RAB36: variants seen among roughly 807,000 people sequenced by gnomAD.
RAB36 encodes ras-related protein Rab-36.
A neutral mutation model predicts 39.3 loss-of-function variants in RAB36; 33 were observed. The ratio of observed to expected loss-of-function variants is 0.84; its 90% CI spans 0.64 to 1.12. The LOEUF is 1.12. Among genes scored for constraint, RAB36 ranks in the 50% most tolerant of loss-of-function variants. The probability of loss-of-function intolerance (pLI) is 0.00; values close to 1 mark genes in which losing one functional copy is unlikely to be tolerated. For synonymous variants in RAB36, 133 were observed against 140.2 expected (o/e 0.95, Z 0.36); for missense variants, 308 against 355.3 (o/e 0.87, Z 1.07).
rs1178259146 is a variant in RAB36, at chr22:23,164,657, A to C, written c.*3093A>C. On this transcript the variant is annotated 3_prime_UTR_variant, in exon 11 of 11. Coordinates refer to ENST00000263116, the MANE Select transcript of RAB36 (RefSeq NM_004914.5). Reference sequence around the variant, plus strand: ...TGGGCCCAGGCAAGCAGCCCCCTGCAGCCAAGGTGCGGCAATGACCACAGT... The same window carrying C: ...TGGGCCCAGGCAAGCAGCCCCCTGCCGCCAAGGTGCGGCAATGACCACAGT... Among the ~76,000 whole-genome samples the C allele has an allele frequency of 6.6e-6, 1 of 152,214 alleles. No homozygotes were observed. The highest frequency in any genetic ancestry group is 1.5e-5 in the Non-Finnish European group (1 of 68,048).
intron 9 of RAB36, among the ~76,000 whole-genome samples, chr22:23,160,266 C>T (rs2071696341): frequency 1.3e-5 from 2 of 152,180 alleles, no homozygotes; most frequent in South Asian, 4.1e-4. Context: ...GAGAACCCTT[C>T]CTCCCTTATC....
downstream of RAB36, among the ~76,000 whole-genome samples, chr22:23,167,053 GAA>G (rs2072065373): frequency 6.6e-6 from 1 of 152,062 alleles, no homozygotes; most frequent in Non-Finnish European, 1.5e-5. Flanking sequence ...GCAGACAGCT[GAA>G]GAGATGGGAC....
intron 3 of RAB36, 60 bp downstream of exon 3, chr22:23,150,214 C>A: frequency 7.5e-7 from 1 of 1,330,954 alleles, no homozygotes; most frequent in Non-Finnish European, 1.1e-6. Context: ...GTGCATGAAG[C>A]ACGTGAAAGA....
At chr22:23,156,353 A>AG in intron 6 of RAB36, 1 of 262,740 alleles carries the variant, frequency 3.8e-6, no homozygotes, top group Non-Finnish European at 7.5e-6. Flanking sequence ...ACTGGACTCC[A>AG]GGGGGAGGTC....
chr22:23,158,011 C>G lies in RAB36; in HGVS notation c.414C>G (p.Asp138Glu). 6.2e-7 allele frequency: 1 copy of G among 1,614,204 alleles called. No individual in the cohort carries two copies. Among genetic ancestry groups the G allele is most frequent in the South Asian group, 1.1e-5 (1 of 91,078 alleles). ...GTCTAGTGATCATCACGGCCTTTGA[C>G]CTCACTGACGTGCAGACCCTGGAGC... ...RGAQVIITAF[D>E]LTDVQTLEHT... Residue 138 changes from aspartate to glutamate, a missense_variant, in exon 7 of 11, where the codon GAC (aspartate) becomes GAG (glutamate). Transcript: ENST00000263116.
At chr22:23,157,942 GCTCGC>G (rs1340409994) in intron 6 of RAB36, 45 bp from the exon 7 acceptor site, 1 of 1,611,726 alleles carries the variant, frequency 6.2e-7, no homozygotes, top group Non-Finnish European at 8.5e-7. Context: ...GAGCCCCCTT[GCTCGC>G]CTCGCCTGGC....
At chr22:23,145,947 C>T (rs760982024) in intron 1 of RAB36, 1 of 984,160 alleles carries the variant, frequency 1.0e-6, no homozygotes, top group East Asian at 1.1e-4. Flanking sequence ...CTAGAGCCTT[C>T]GTCCTTTGCA....
chr22:23,153,813 C>T (rs2071304082), intron 5 of RAB36, among the ~76,000 whole-genome samples: 1 of 151,568 alleles, frequency 6.6e-6, no homozygotes, highest in African/African-American at 2.4e-5. Flanking sequence ...CTCAGCCTCC[C>T]AAGTAGGACA....
intron 9 of RAB36, among the ~76,000 whole-genome samples, chr22:23,160,453 G>T (rs1205269640): frequency 6.6e-6 from 1 of 152,202 alleles, no homozygotes; most frequent in Non-Finnish European, 1.5e-5. Flanking sequence ...TCCATGTGGG[G>T]GCTGACAGCA....
At chr22:23,157,521 A>G (rs1022868506) in intron 6 of RAB36, among the ~76,000 whole-genome samples, 4 of 152,076 alleles carry the variant, frequency 2.6e-5, no homozygotes, top group Admixed American at 6.5e-5. Flanking sequence ...AGCCTCCCAA[A>G]GTGCTGGAAT....
At chr22:23,147,809 T>C (rs887456427) in intron 2 of RAB36, among the ~76,000 whole-genome samples, 1 of 152,296 alleles carries the variant, frequency 6.6e-6, no homozygotes. Context: ...TGAGGAAGAA[T>C]GAGGCAACCT....
Position 23,151,405 on chromosome 22 carries a change from G to C in RAB36, c.162-1056G>C, listed in dbSNP as rs2071115951. 4.6e-5 allele frequency among the ~76,000 whole-genome samples: 7 copies of C among 152,300 alleles called. 1 individual carries two copies. Among genetic ancestry groups the C allele is most frequent in the Admixed American group, 4.6e-4 (7 of 15,292 alleles). The stretch of plus-strand genomic sequence containing the variant: ...AGAACGAAAGGGCCCTCTGGGAGCA[G>C]GGTAGACACAATCCCTGCTCTCACG... On this transcript the variant is annotated intron_variant, in intron 3 of 10. Transcript: ENST00000263116.
At chr22:23,159,324 A>T in intron 9 of RAB36, 71 bp downstream of exon 9, 1 of 1,399,596 alleles carries the variant, frequency 7.1e-7, no homozygotes, top group Non-Finnish European at 9.7e-7. Flanking sequence ...GGGGCCTGCC[A>T]TGCAGTGTTT....
At chr22:23,166,147 T>TAAAAAAAAAA (rs695297), downstream of RAB36, among the ~76,000 whole-genome samples, 22 of 59,884 alleles carry the variant, frequency 3.7e-4, no homozygotes, top group African/African-American at 1.4e-3. Context: ...CTCTGTCTTT[T>TAAAAAAAAAA]AAAAAAAAAA....
rs753448839 is a variant in RAB36, at chr22:23,163,059, G to A, written c.*1495G>A. The A allele has an allele frequency of 4.5e-5, 12 of 268,846 alleles. No homozygotes were observed. The highest frequency in any genetic ancestry group is 8.8e-5 in the Non-Finnish European group (12 of 136,986). The allele number at this position is 268,846 out of a possible 1,614,324, so 16.7% of individuals were successfully genotyped here. On this transcript the variant is annotated 3_prime_UTR_variant, in exon 11 of 11. Coordinates refer to ENST00000263116, the MANE Select transcript of RAB36 (RefSeq NM_004914.5). ...CCCAAGTAGCTGGGATTACAGGCAT[G>A]CACCACCATGCCTGGCTAATTTTGT...
intron 7 of RAB36, 51 bp from the exon 8 acceptor site, chr22:23,158,847 T>C: frequency 6.7e-7 from 1 of 1,502,148 alleles, no homozygotes; most frequent in Non-Finnish European, 9.3e-7. Flanking sequence ...CTGCCCCCTG[T>C]TTGGGGTGGG....
At chr22:23,148,730 C>T (rs560448702) in intron 2 of RAB36, among the ~76,000 whole-genome samples, 4 of 152,214 alleles carry the variant, frequency 2.6e-5, no homozygotes, top group African/African-American at 9.7e-5. Context: ...TCTCTGAAAT[C>T]AGCTCACACT....
chr22:23,151,319 A>G (rs1876396907), intron 3 of RAB36, among the ~76,000 whole-genome samples: 1 of 152,224 alleles, frequency 6.6e-6, no homozygotes, highest in South Asian at 2.1e-4. Context: ...ACTGAGGATC[A>G]GAGGGTACCT....
chr22:23,156,505 T>C (rs752556682), intron 6 of RAB36, among the ~76,000 whole-genome samples: 41 of 152,064 alleles, frequency 2.7e-4, no homozygotes, highest in Non-Finnish European at 5.4e-4. Flanking sequence ...GGCAGCCAGG[T>C]GGTGCTGGGC....
Sources: allele counts gnomAD v4.1 joint callset (sites outside exome capture counted in the v4.1 genomes callset), GRCh38; gene constraint gnomAD v4.1.1; transcripts MANE v1.5; gene names NCBI Gene and HGNC (gene_info 2026-07-23, HGNC 2026-07-21).